Variants in HTR2C observed in about 807,000 individuals in gnomAD.
HTR2C encodes 5-hydroxytryptamine (serotonin) receptor 2C, G protein-coupled.
Under a neutral mutation model 21.0 loss-of-function variants are expected in HTR2C, and 5 were observed. The observed-to-expected ratio is 0.24, with a 90% CI of 0.12 to 0.50. The LOEUF (loss-of-function observed/expected upper bound fraction) is 0.50. Among genes scored for constraint, HTR2C ranks in the 20% least tolerant of loss-of-function variants. The pLI, the probability that HTR2C is intolerant of heterozygous loss-of-function variation, is 0.98. For missense variants in HTR2C, 271 were observed against 371.2 expected (o/e 0.73, Z 2.22); for synonymous variants, 150 against 145.3 (o/e 1.03, Z -0.23).
At chrX:114,619,795 A>C (rs184922794) in intron 2 of HTR2C, among the ~76,000 whole-genome samples, 1 of 111,393 alleles carries the variant, frequency 9.0e-6, no homozygotes, top group East Asian at 2.8e-4. Context: ...TACAGTTGAT[A>C]ATTATACATT....
At chrX:114,853,618 G>A (rs995226865) in intron 5 of HTR2C, among the ~76,000 whole-genome samples, 2 of 111,827 alleles carry the variant, frequency 1.8e-5, no homozygotes, top group Non-Finnish European at 1.9e-5. Context: ...TGTGATATGA[G>A]ATGCCATCTT....
chrX:114,857,999 A>G (rs1489030251), intron 5 of HTR2C, among the ~76,000 whole-genome samples: 2 of 111,272 alleles, frequency 1.8e-5, no homozygotes, highest in African/African-American at 6.5e-5. Context: ...CGTCATTCTC[A>G]TAAGTCAGGT....
chrX:114,806,947 TATATACCATATGTATATACC>T (rs1175065487), intron 4 of HTR2C, among the ~76,000 whole-genome samples: 46 of 101,868 alleles, frequency 4.5e-4, no homozygotes, highest in Non-Finnish European at 8.5e-4. Context: ...GTATATACCA[TATATACCATATGTATATACC>T]ATATATACCA....
chrX:114,697,215 C>T (rs1932306279), intron 2 of HTR2C, among the ~76,000 whole-genome samples: 1 of 112,017 alleles, frequency 8.9e-6, no homozygotes, highest in Non-Finnish European at 1.9e-5. Context: ...CATTTATCTG[C>T]TTTTGATCCA....
intron 4 of HTR2C, among the ~76,000 whole-genome samples, chrX:114,772,050 C>T (rs1361645335): frequency 8.9e-6 from 1 of 112,025 alleles, no homozygotes; most frequent in South Asian, 3.6e-4. Flanking sequence ...ACATAGATCC[C>T]ACTGTTCTAA....
intron 2 of HTR2C, among the ~76,000 whole-genome samples, chrX:114,708,437 A>G (rs1352704345): frequency 8.9e-6 from 1 of 112,032 alleles, no homozygotes; most frequent in Non-Finnish European, 1.9e-5. Flanking sequence ...ATTAAAGTCA[A>G]CTTATTCCAT....
intron 4 of HTR2C, among the ~76,000 whole-genome samples, chrX:114,764,728 G>A (rs934620652): frequency 1.5e-4 from 17 of 111,561 alleles, no homozygotes; most frequent in Non-Finnish European, 2.8e-4. Context: ...CACCTCCTAC[G>A]TTTTCTTCCT....
intron 4 of HTR2C, among the ~76,000 whole-genome samples, chrX:114,812,107 C>G (rs2070537632): frequency 9.2e-6 from 1 of 109,176 alleles, no homozygotes; most frequent in South Asian, 4.0e-4. Flanking sequence ...CTACCCACCC[C>G]CCACAACAGG....
At chrX:114,815,156 T>A (rs2147453596) in intron 4 of HTR2C, among the ~76,000 whole-genome samples, 1 of 109,458 alleles carries the variant, frequency 9.1e-6, no homozygotes, top group Admixed American at 1.0e-4. Context: ...ACCTCTTTCA[T>A]TTTTCTCTGC....
At chrX:114,604,600 G>A (rs1309246403) in intron 1 of HTR2C, among the ~76,000 whole-genome samples, 1 of 111,258 alleles carries the variant, frequency 9.0e-6, no homozygotes, top group East Asian at 2.8e-4. Flanking sequence ...GAAGGAGTCA[G>A]TCAGAGAGCC....
intron 2 of HTR2C, among the ~76,000 whole-genome samples, chrX:114,722,531 G>T (rs1481435873): frequency 1.8e-5 from 2 of 110,735 alleles, no homozygotes; most frequent in Non-Finnish European, 3.8e-5. Context: ...GATCGCCCTG[G>T]CCAGCACTTC....
chrX:114,907,589 G>T lies in HTR2C; in HGVS notation c.*174G>T. 1 of 389,313 alleles carries T rather than the reference G, an allele frequency of 2.6e-6. No homozygotes were observed. The highest frequency in any genetic ancestry group is 4.5e-6 in the Non-Finnish European group (1 of 224,111). 32.1% of individuals were successfully genotyped at this position (389,313 alleles called of 1,213,427 possible). ...TCATGCCTACATTAGTGAGATTTAG[G>T]GTTCTATATTTACTGTTTATAATAG... On this transcript the variant is annotated 3_prime_UTR_variant, in exon 6 of 6. Transcript: ENST00000276198.
At chrX:114,689,858 G>C (rs897923624) in intron 2 of HTR2C, among the ~76,000 whole-genome samples, 1 of 111,880 alleles carries the variant, frequency 8.9e-6, no homozygotes, top group Non-Finnish European at 1.9e-5. Flanking sequence ...AATTTGGTTT[G>C]TGATGCAGTA....
At chrX:114,654,129 G>A (rs1169142590) in intron 2 of HTR2C, among the ~76,000 whole-genome samples, 1 of 109,601 alleles carries the variant, frequency 9.1e-6, no homozygotes, top group African/African-American at 3.3e-5. Flanking sequence ...ATGAAGATGT[G>A]AATAAAATTT....
At chrX:114,834,689 C>G (rs1289899930) in intron 4 of HTR2C, among the ~76,000 whole-genome samples, 107 of 103,704 alleles carry the variant, frequency 1.0e-3, no homozygotes, top group African/African-American at 3.5e-3. Context: ...TTAATTGGAG[C>G]ATTTAGTCCA....
intron 4 of HTR2C, among the ~76,000 whole-genome samples, chrX:114,734,479 C>T (rs1602731452): frequency 1.1e-5 from 1 of 93,634 alleles, no homozygotes; most frequent in Non-Finnish European, 2.1e-5. Flanking sequence ...CTGGATTTTT[C>T]AATATAAAGA....
At chrX:114,899,715 C>T (rs1340916934) in intron 5 of HTR2C, among the ~76,000 whole-genome samples, 1 of 110,651 alleles carries the variant, frequency 9.0e-6, no homozygotes, top group Non-Finnish European at 1.9e-5. Context: ...CTGATCAGTC[C>T]CAAAGTGAGT....
At chrX:114,891,116 C>A (rs141917826) in intron 5 of HTR2C, among the ~76,000 whole-genome samples, 5 of 110,621 alleles carry the variant, frequency 4.5e-5, no homozygotes, top group African/African-American at 1.6e-4. Flanking sequence ...TTTAATTTTA[C>A]GAACATTATA....
chrX:114,884,090 C>G (rs952720213), intron 5 of HTR2C, among the ~76,000 whole-genome samples: 3 of 110,958 alleles, frequency 2.7e-5, no homozygotes, highest in Non-Finnish European at 5.7e-5. Flanking sequence ...TTCATGTTGT[C>G]ACAAATGACA....
Sources: gnomAD v4.1 joint callset for allele counts (sites outside exome capture counted in the v4.1 genomes callset) on GRCh38, gnomAD v4.1.1 for gene constraint, MANE v1.5 for transcripts, NCBI Gene and HGNC (gene_info 2026-07-23, HGNC 2026-07-21) for gene names.